The following RNLS variants were observed in gnomAD, a reference collection of about 807,000 sequenced individuals.
The protein encoded by RNLS is renalase.
A neutral mutation model predicts 39.8 loss-of-function variants in RNLS; 39 were observed. The ratio of observed to expected loss-of-function variants is 0.98; its 90% CI spans 0.76 to 1.28. RNLS has a LOEUF of 1.28. RNLS is among the 50% of genes most tolerant of loss of function. RNLS has a pLI of 0.00. For synonymous variants in RNLS, 147 were observed against 150.7 expected (o/e 0.98, Z 0.18); for missense variants, 410 against 413.3 (o/e 0.99, Z 0.07).
At chr10:88,432,990 A>G (rs1404104251) in intron 4 of RNLS, among the ~76,000 whole-genome samples, 1 of 152,060 alleles carries the variant, frequency 6.6e-6, no homozygotes, top group East Asian at 1.9e-4. Flanking sequence ...AATAAGTATT[A>G]AACATTAGAC....
At chr10:88,253,043 G>A in the RNLS span, among the ~76,000 whole-genome samples, 1 of 152,212 alleles carries the variant, frequency 6.6e-6, no homozygotes, top group Non-Finnish European at 1.5e-5. Flanking sequence ...AGGCTGAAGT[G>A]AATTTTTCTG....
the RNLS span, among the ~76,000 whole-genome samples, chr10:88,265,693 A>T: frequency 1.3e-5 from 2 of 152,204 alleles, no homozygotes; most frequent in Non-Finnish European, 2.9e-5. Flanking sequence ...ATTTGTGTAC[A>T]TTAATTTTGT....
At position 88,524,976 on chromosome 10, in the gene RNLS, TATATATATATATATATATATATAC is replaced by T. The variant is rs1564871846; in HGVS notation, c.526+47903_526+47926del. ...ACACACATACATATATATATATATA[TATATATATATATATATATATATAC>T]ACACACACACATACTATGTACCCAC... On this transcript the variant is annotated intron_variant, in intron 4 of 6. Transcript: ENST00000331772. Among the ~76,000 whole-genome samples, 65 of 131,080 alleles carry T rather than the reference TATATATATATATATATATATATAC, an allele frequency of 5.0e-4. 1 individual carries two copies. The highest frequency in any genetic ancestry group is 7.8e-4 in the Non-Finnish European group (47 of 60,632). 86.0% of individuals were successfully genotyped at this position (131,080 alleles called of 152,430 possible). A position where few individuals can be genotyped will look rare whatever the true frequency, so the allele number is the denominator to read the frequency against.
chr10:88,249,008 G>C, the RNLS span, among the ~76,000 whole-genome samples: 1 of 152,146 alleles, frequency 6.6e-6, no homozygotes, highest in South Asian at 2.1e-4. Flanking sequence ...TCCTGGGCCT[G>C]GTCCCCTCTG....
intron 4 of RNLS, among the ~76,000 whole-genome samples, chr10:88,570,669 T>C (rs1373818458): frequency 6.6e-6 from 1 of 152,218 alleles, no homozygotes; most frequent in Non-Finnish European, 1.5e-5. Context: ...GTCAATAGGA[T>C]GCTCTCTTGA....
the RNLS span, among the ~76,000 whole-genome samples, chr10:88,220,644 G>A: frequency 1.3e-5 from 2 of 152,088 alleles, no homozygotes; most frequent in African/African-American, 4.8e-5. Context: ...AGGGTCCAAG[G>A]ACTCCAGTGC....
chr10:88,308,464 G>A (rs1289185490), intron 6 of RNLS, among the ~76,000 whole-genome samples: 1 of 151,788 alleles, frequency 6.6e-6, no homozygotes, highest in East Asian at 1.9e-4. Context: ...CCATTAACAA[G>A]TGGGCAAAGG....
rs1451436445 is a variant in RNLS at position 88,362,565 on chromosome 10, C to T, written c.687G>A (p.Lys229=). 6.2e-7 allele frequency: 1 copy of T among 1,613,720 alleles called. No individual in the cohort carries two copies. Among genetic ancestry groups the T allele is most frequent in the Admixed American group, 1.7e-5 (1 of 59,918 alleles). The change falls in exon 5 of 7, where the codon AAG becomes AAA. Residue 229 remains lysine (K), a synonymous_variant. Transcript: ENST00000331772. The part of the protein sequence containing the change: ...PCIRFVSIDN[K]KRNIESSEIG... ...AGGGGTACTGACCTATATTGCGCTT[C>T]TTATTATCAATGGAGACGAAGCGTA...
intron 3 of RNLS, among the ~76,000 whole-genome samples, chr10:88,574,095 C>T (rs963201374): frequency 3.9e-5 from 6 of 152,074 alleles, no homozygotes; most frequent in African/African-American, 1.4e-4. Flanking sequence ...GAGCTGAAAT[C>T]GCACCACTAC....
intron 4 of RNLS, among the ~76,000 whole-genome samples, chr10:88,392,409 G>A (rs1390613367): frequency 1.3e-5 from 2 of 152,226 alleles, no homozygotes; most frequent in Non-Finnish European, 2.9e-5. Context: ...TGGCTCTATG[G>A]AGGCAGGAAG....
At chr10:88,504,844 A>AGTGTGTGTGTGTGTGTGTGT (rs34411833) in intron 4 of RNLS, among the ~76,000 whole-genome samples, 1 of 136,166 alleles carries the variant, frequency 7.3e-6, no homozygotes, top group African/African-American at 2.7e-5. Context: ...AGAGAGACAG[A>AGTGTGTGTGTGTGTGTGTGT]GTGTGTGTGT....
chr10:88,456,728 T>C (rs2312610), intron 4 of RNLS, among the ~76,000 whole-genome samples: 107,974 of 151,962 alleles, frequency 0.71, 39,479 homozygotes, highest in African/African-American at 0.89. Flanking sequence ...AGAAACCTTG[T>C]AATTGTCTCA....
intron 4 of RNLS, among the ~76,000 whole-genome samples, chr10:88,428,435 A>T (rs1854939890): frequency 6.6e-6 from 1 of 151,982 alleles, no homozygotes; most frequent in Non-Finnish European, 1.5e-5. Flanking sequence ...CACTCTACTT[A>T]GGCTTTAAAT....
chr10:88,218,011 G>A, the RNLS span, among the ~76,000 whole-genome samples: 1,311 of 152,236 alleles, frequency 8.6e-3, 20 homozygotes, highest in African/African-American at 0.03. Flanking sequence ...TTGCACTCCA[G>A]CCTGGGCAAC....
chr10:88,285,508 T>C lies in RNLS; in HGVS notation c.877-2A>G, dbSNP rs567316622. ...ACAGTTGGCAGCAGCATTTGTAACC[T>C]GAAAAAGTAAAAAGAGGATTGCAAT... On this transcript the variant is annotated splice_acceptor_variant, in intron 6 of 6. Coordinates refer to ENST00000331772, the MANE Select transcript of RNLS (RefSeq NM_001031709.3). LOFTEE classifies it high-confidence loss of function. The C allele has an allele frequency of 5.9e-5, 95 of 1,611,880 alleles. No individual in the cohort carries two copies. The highest frequency in any genetic ancestry group is 7.9e-5 in the Non-Finnish European group (93 of 1,178,720).
chr10:88,176,405 A>AC, the RNLS span, among the ~76,000 whole-genome samples: 1 of 152,032 alleles, frequency 6.6e-6, no homozygotes, highest in South Asian at 2.1e-4. Flanking sequence ...TGATCTTCTG[A>AC]CCTCATGATC....
chr10:88,350,247 T>C (rs1221694086), intron 5 of RNLS, among the ~76,000 whole-genome samples: 1 of 152,156 alleles, frequency 6.6e-6, no homozygotes, highest in Non-Finnish European at 1.5e-5. Context: ...ACATTTTTAT[T>C]ATACTTTAAG....
chr10:88,453,584 C>T (rs1353303463), intron 4 of RNLS, among the ~76,000 whole-genome samples: 2 of 152,188 alleles, frequency 1.3e-5, no homozygotes, highest in Non-Finnish European at 2.9e-5. Context: ...TGTCCAGAGC[C>T]TGCTTTCTGG....
At chr10:88,527,845 G>GA (rs1443899015) in intron 4 of RNLS, among the ~76,000 whole-genome samples, 2 of 145,602 alleles carry the variant, frequency 1.4e-5, no homozygotes, top group African/African-American at 2.5e-5. Context: ...GATAAAACTT[G>GA]AAAAAAAAAT....
Sources: allele counts gnomAD v4.1 joint callset (sites outside exome capture counted in the v4.1 genomes callset), GRCh38; gene constraint gnomAD v4.1.1; transcripts MANE v1.5; gene names NCBI Gene and HGNC (gene_info 2026-07-23, HGNC 2026-07-21).